Variants in PALD1 observed in about 807,000 individuals in gnomAD.
The protein encoded by PALD1 is phosphatase domain containing paladin 1, also known as paladin.
In PALD1, 57 loss-of-function variants were observed where a neutral mutation model predicts 96.0. The ratio of observed to expected loss-of-function variants is 0.59; its 90% CI spans 0.48 to 0.74. The LOEUF (loss-of-function observed/expected upper bound fraction) is 0.74. PALD1 is among the 30% of genes least tolerant of loss of function. PALD1 has a pLI of 0.00. For missense variants in PALD1, 1,063 were observed against 1,143.7 expected (o/e 0.93, Z 1.02); for synonymous variants, 464 against 473.6 (o/e 0.98, Z 0.26).
At position 70,567,203 on chromosome 10, in the gene PALD1, C is replaced by T. The variant is rs903950743; in HGVS notation, c.*470C>T. On this transcript the variant is annotated 3_prime_UTR_variant, in exon 20 of 20. Transcript: ENST00000263563. ...GCCATTGCCGCTCCCCTTGTTGCTG[C>T]CCAAGCACTGCCCTCGGGCGTCTGG... is the stretch of plus-strand genomic sequence containing the variant. 1.9e-5 allele frequency: 3 copies of T among 159,786 alleles called. No homozygotes were observed. Among genetic ancestry groups the T allele is most frequent in the Non-Finnish European group, 4.1e-5 (3 of 73,436 alleles). The allele number at this position is 159,786 out of a possible 1,614,324, so 9.9% of individuals were successfully genotyped here. A position where few individuals can be genotyped will look rare whatever the true frequency, so the allele number is the denominator to read the frequency against.
chr10:70,535,541 TC>T (rs1450170734), intron 10 of PALD1, among the ~76,000 whole-genome samples: 23 of 139,434 alleles, frequency 1.6e-4, no homozygotes, highest in African/African-American at 5.9e-4. Flanking sequence ...TCCTCTTCTT[TC>T]CTCCTCCTCC....
intron 18 of PALD1, among the ~76,000 whole-genome samples, chr10:70,547,826 A>G (rs1251534368): frequency 6.6e-6 from 1 of 151,940 alleles, no homozygotes; most frequent in Non-Finnish European, 1.5e-5. Flanking sequence ...CAGAGGTCCC[A>G]GACAGGAGTC....
intron 1 of PALD1, among the ~76,000 whole-genome samples, chr10:70,521,489 G>A (rs1038632493): frequency 4.6e-5 from 7 of 152,118 alleles, no homozygotes; most frequent in African/African-American, 1.7e-4. Flanking sequence ...AAGAGGGCCT[G>A]TGTTTGTGGG....
At position 70,522,745 on chromosome 10, in the gene PALD1, T is replaced by C. The variant is rs115316069; in HGVS notation, c.-29-3178T>C. Among the ~76,000 whole-genome samples the C allele has an allele frequency of 9.4e-3, 1,426 of 152,266 alleles. 29 individuals are homozygous for C. The highest frequency in any genetic ancestry group is 0.033 in the African/African-American group (1,368 of 41,566). On this transcript the variant is annotated intron_variant, in intron 1 of 19. Transcript: ENST00000263563. ...GCACTAGGCACCCCACCTGCACCCC[T>C]ACCTTTGCTGACCCCTGTCCCTGGC...
intron 17 of PALD1, among the ~76,000 whole-genome samples, chr10:70,543,934 T>A (rs561340667): frequency 6.6e-6 from 1 of 152,078 alleles, no homozygotes; most frequent in South Asian, 2.1e-4. Context: ...GGGGCTGGGG[T>A]ATAAGCCAGG....
the PALD1 span, among the ~76,000 whole-genome samples, chr10:70,473,344 G>A: frequency 6.6e-6 from 1 of 152,194 alleles, no homozygotes; most frequent in African/African-American, 2.4e-5. Context: ...TCTGTGTCCT[G>A]AGCCCAGAGT....
intron 1 of PALD1, among the ~76,000 whole-genome samples, chr10:70,499,332 A>G (rs1239378642): frequency 6.6e-6 from 1 of 152,014 alleles, no homozygotes; most frequent in East Asian, 1.9e-4. Flanking sequence ...GATTGGTGCC[A>G]TGGTATGGGC....
intron 1 of PALD1, among the ~76,000 whole-genome samples, chr10:70,524,434 G>T (rs113867365): frequency 6.6e-6 from 1 of 152,092 alleles, no homozygotes; most frequent in African/African-American, 2.4e-5. Context: ...CCCTTGACCA[G>T]CCCTTAAAAG....
intron 18 of PALD1, among the ~76,000 whole-genome samples, chr10:70,553,844 G>T (rs1291815541): frequency 6.6e-6 from 1 of 152,220 alleles, no homozygotes; most frequent in Non-Finnish European, 1.5e-5. Context: ...TTGCCTTTGA[G>T]GAAGTCGCAG....
intron 18 of PALD1, among the ~76,000 whole-genome samples, chr10:70,556,283 T>TCTCTCC (rs879486471): frequency 0.13 from 6,784 of 50,672 alleles, 327 homozygotes; most frequent in Middle Eastern, 0.29. Flanking sequence ...CCGAGACCTC[T>TCTCTCC]CTCTCTCTCT....
At chr10:70,532,871 C>T (rs772344991) in intron 6 of PALD1, 90 bp downstream of exon 6, 12 of 1,526,174 alleles carry the variant, frequency 7.9e-6, no homozygotes, top group East Asian at 4.5e-5. Context: ...GCAGGTTGGG[C>T]GGAGTCCCCC....
chr10:70,536,878 C>A (rs539573036), intron 10 of PALD1, among the ~76,000 whole-genome samples: 1 of 152,120 alleles, frequency 6.6e-6, no homozygotes, highest in Non-Finnish European at 1.5e-5. Context: ...CCTGGAGATC[C>A]GAGGGCCCTT....
chr10:70,552,843 A>C (rs1490396595), intron 18 of PALD1, among the ~76,000 whole-genome samples: 1 of 152,178 alleles, frequency 6.6e-6, no homozygotes, highest in Non-Finnish European at 1.5e-5. Flanking sequence ...CACATGTTGC[A>C]TTTGGTTGAC....
At chr10:70,497,160 G>A (rs1481607263) in intron 1 of PALD1, among the ~76,000 whole-genome samples, 5 of 152,246 alleles carry the variant, frequency 3.3e-5, no homozygotes, top group African/African-American at 1.2e-4. Context: ...AGATGAGGAG[G>A]GCTTGCTGTT....
chr10:70,479,352 C>G (rs1471221803), intron 1 of PALD1, among the ~76,000 whole-genome samples: 2 of 152,182 alleles, frequency 1.3e-5, no homozygotes, highest in African/African-American at 2.4e-5. Flanking sequence ...ATTGCCAGAC[C>G]TGGGAGCATG....
intron 1 of PALD1, among the ~76,000 whole-genome samples, chr10:70,481,779 G>A (rs1165337923): frequency 3.3e-5 from 5 of 152,230 alleles, no homozygotes; most frequent in African/African-American, 9.6e-5. Flanking sequence ...CTGCTAAGCC[G>A]TGGGCTTGCA....
intron 17 of PALD1, among the ~76,000 whole-genome samples, chr10:70,543,779 G>C (rs189279763): frequency 1.2e-4 from 18 of 152,254 alleles, no homozygotes; most frequent in African/African-American, 4.1e-4. Flanking sequence ...CTTCACACCA[G>C]GCCCCGTGCT....
chr10:70,470,030 G>A, the PALD1 span, among the ~76,000 whole-genome samples: 1 of 152,148 alleles, frequency 6.6e-6, no homozygotes, highest in Non-Finnish European at 1.5e-5. Flanking sequence ...CTGACCTCAG[G>A]TGATCTGCCC....
rs1307275058 is a variant in PALD1, at chr10:70,539,595, C to G, written c.1741C>G (p.Leu581Val). 6.2e-7 allele frequency: 1 copy of G among 1,610,672 alleles called. No homozygotes were observed. The highest frequency in any genetic ancestry group is 1.7e-5 in the Admixed American group (1 of 59,654). ...CCTTGCCCAGACCCTGGAGGCCCAG[C>G]TGAAGGCCCATCTAAGCGAGCCTCC... ...PDQLETLEAQ[L>V]KAHLSEPPPG... The change falls in exon 15 of 20, where the codon CTG becomes GTG. Residue 581 changes from leucine (L) to valine (V), a missense_variant. Leu to Val is a conservative substitution (Grantham distance 32). Transcript: ENST00000263563. The surrounding 1 kb of genome is among the most constrained non-coding windows in gnomAD (Gnocchi z 4.5).
Sources: allele counts gnomAD v4.1 joint callset (sites outside exome capture counted in the v4.1 genomes callset), GRCh38; gene constraint gnomAD v4.1.1; non-coding constraint Gnocchi (gnomAD v3.1); transcripts MANE v1.5; gene names NCBI Gene and HGNC (gene_info 2026-07-23, HGNC 2026-07-21).